MGAM2: variants seen among roughly 807,000 people sequenced by gnomAD.
MGAM2 encodes the protein probable maltase-glucoamylase 2.
In MGAM2, 98 loss-of-function variants were observed where a neutral mutation model predicts 96.1. That is an observed-to-expected ratio of 1.02 (90% CI 0.87 to 1.21). MGAM2 has a LOEUF of 1.21. Among genes scored for constraint, MGAM2 ranks in the 50% most tolerant of loss-of-function variants. The probability of loss-of-function intolerance (pLI) is 0.00; values close to 1 mark genes in which losing one functional copy is unlikely to be tolerated. For missense variants in MGAM2, 2,055 were observed against 1,182.4 expected (o/e 1.74, Z -10.82); for synonymous variants, 749 against 414.8 (o/e 1.81, Z -9.79).
rs1342393891 is a variant in MGAM2 at position 142,204,171 on chromosome 7, A to T, written c.5137+4203A>T. Among the ~76,000 whole-genome samples the T allele has an allele frequency of 2.6e-5, 4 of 151,998 alleles. No individual in the cohort carries two copies. The East Asian group carries it at 5.8e-4, about 22-fold the overall frequency. On this transcript the variant is annotated intron_variant, in intron 45 of 47. Transcript: ENST00000477922. ...CTTTAATTACTCTTAGCAATGTTTT[A>T]TAATTTTTGGCGTATAGTTCTTGTA...
At chr7:142,173,497 C>T (rs993585435) in intron 31 of MGAM2, 143 bp downstream of exon 31, 1 of 450,794 alleles carries the variant, frequency 2.2e-6, no homozygotes, top group African/African-American at 1.9e-5. Context: ...TACTATAATA[C>T]TATGTACTTA....
At chr7:142,120,715 C>A (rs552887757) in intron 3 of MGAM2, among the ~76,000 whole-genome samples, 1 of 152,218 alleles carries the variant, frequency 6.6e-6, no homozygotes, top group Admixed American at 6.5e-5. Flanking sequence ...ACTATGTATT[C>A]TTTGAGAATA....
chr7:142,184,941 C>T lies in MGAM2; in HGVS notation c.3925-136C>T, dbSNP rs553769060. 732 of 503,190 alleles carry T rather than the reference C, an allele frequency of 1.5e-3. 3 individuals are homozygous for T. The highest frequency in any genetic ancestry group is 1.9e-3 in the Non-Finnish European group (536 of 281,294). The allele number at this position is 503,190 out of a possible 1,614,324, so 31.2% of individuals were successfully genotyped here. ...CCTAATGTAATTTTGTAGATTCAGCCTTTACAGTTTAATTTATGGCAAAGA... is the reference window on the plus strand; with the variant it reads ...CCTAATGTAATTTTGTAGATTCAGCTTTTACAGTTTAATTTATGGCAAAGA... On this transcript the variant is annotated intron_variant, in intron 33 of 47. Coordinates refer to ENST00000477922, the MANE Select transcript of MGAM2 (RefSeq NM_001293626.2).
At position 142,164,845 on chromosome 7, in the gene MGAM2, TCCCCTCC is replaced by T; in HGVS notation, c.2485-9_2485-3del. On this transcript the variant is annotated splice_region_variant and splice_polypyrimidine_tract_variant and intron_variant, in intron 23 of 47. Transcript: ENST00000477922. ...CCTGGTTTCCAATCTGACTTTTTTTTCCCCTCCCAGAACCATCTACAAGCAAAGATTA... is the reference window on the plus strand; with the variant it reads ...CCTGGTTTCCAATCTGACTTTTTTTTCAGAACCATCTACAAGCAAAGATTA... 1 of 676,172 alleles carries T rather than the reference TCCCCTCC, an allele frequency of 1.5e-6. No individual in the cohort carries two copies. The highest frequency in any genetic ancestry group is 2.4e-4 in the Middle Eastern group (1 of 4,120). The allele number at this position is 676,172 out of a possible 1,614,324, so 41.9% of individuals were successfully genotyped here.
At position 142,189,503 on chromosome 7, in the gene MGAM2, CGAGT is replaced by C. The variant is rs1796804050; in HGVS notation, c.4346+4_4346+7del. ...GGTGGTCCCAGACCAGACCCACATA[CGAGT>C]GAGTGTCTTTTTGTCACAGCAGCAA... On this transcript the variant is annotated splice_donor_variant and coding_sequence_variant, in exon 37 of 48. Transcript: ENST00000477922. LOFTEE classifies it high-confidence loss of function. 1 of 815,636 alleles carries C rather than the reference CGAGT, an allele frequency of 1.2e-6. No homozygotes were observed. The highest frequency in any genetic ancestry group is 2.0e-6 in the Non-Finnish European group (1 of 495,470). 50.5% of individuals were successfully genotyped at this position (815,636 alleles called of 1,614,324 possible). A position where few individuals can be genotyped will look rare whatever the true frequency, so the allele number is the denominator to read the frequency against.
At chr7:142,212,943 T>G (rs925495630) in intron 46 of MGAM2, among the ~76,000 whole-genome samples, 2 of 152,092 alleles carry the variant, frequency 1.3e-5, no homozygotes, top group African/African-American at 4.8e-5. Flanking sequence ...AGTAATACGC[T>G]CCTCAGAAAA....
chr7:142,140,741 A>G, intron 10 of MGAM2, 61 bp from the exon 11 acceptor site: 1 of 632,744 alleles, frequency 1.6e-6, no homozygotes, highest in Non-Finnish European at 2.8e-6. Flanking sequence ...CCAGAGCTGT[A>G]ATACTTTCCA....
At chr7:142,165,109 A>T (rs1163126826) in intron 24 of MGAM2, 86 bp downstream of exon 24, 1 of 574,014 alleles carries the variant, frequency 1.7e-6, no homozygotes, top group Non-Finnish European at 3.1e-6. Context: ...AACTGTGGGC[A>T]GTCAGACACA....
intron 33 of MGAM2, among the ~76,000 whole-genome samples, chr7:142,183,752 A>T (rs1796609968): frequency 6.6e-6 from 1 of 152,154 alleles, no homozygotes; most frequent in Non-Finnish European, 1.5e-5. Context: ...TAAATGAATC[A>T]TTAAGTCCTA....
At chr7:142,187,601 T>G in intron 35 of MGAM2, 149 bp from the exon 36 acceptor site, 2 of 545,398 alleles carry the variant, frequency 3.7e-6, no homozygotes, top group Non-Finnish European at 6.6e-6. Context: ...TAGAGTCCAT[T>G]TGGGTCAGTG....
At chr7:142,144,067 G>A (rs1795314983) in intron 13 of MGAM2, 185 bp downstream of exon 13, 1 of 413,376 alleles carries the variant, frequency 2.4e-6, no homozygotes, top group African/African-American at 2.0e-5. Context: ...AGAGCCTTAG[G>A]TTCTTATCCT....
At chr7:142,188,432 T>C (rs1417423157) in intron 36 of MGAM2, among the ~76,000 whole-genome samples, 20 of 151,464 alleles carry the variant, frequency 1.3e-4, no homozygotes. Context: ...GGCAACATAG[T>C]GAGACCCATA....
rs1016567831 is a variant in MGAM2, at chr7:142,144,830, T to C, written c.1432-31T>C. 6 of 691,932 alleles carry C rather than the reference T, an allele frequency of 8.7e-6. No individual in the cohort carries two copies. In the African/African-American group the frequency reaches 1.1e-4, roughly 12 times the overall value. 42.9% of individuals were successfully genotyped at this position (691,932 alleles called of 1,614,324 possible). A position where few individuals can be genotyped will look rare whatever the true frequency, so the allele number is the denominator to read the frequency against. On this transcript the variant is annotated intron_variant, in intron 13 of 47. Coordinates refer to ENST00000477922, the MANE Select transcript of MGAM2 (RefSeq NM_001293626.2). ...ACAGCTAAATGTAGCTCAATCGCAT[T>C]TTACACTTTGTGTGTTTTGTGTCTT...
intron 34 of MGAM2, 105 bp from the exon 35 acceptor site, chr7:142,185,884 G>A (rs961498334): frequency 9.9e-6 from 6 of 608,900 alleles, no homozygotes; most frequent in Middle Eastern, 4.2e-4. Flanking sequence ...TCTGAGATTA[G>A]AGCAGAGACT....
rs905610211 is a variant in MGAM2 at position 142,154,776 on chromosome 7, C to G, written c.1854C>G (p.Leu618=). ...CGYNNNVTEE[L]CRRWMQLGAF... ...ATAACAACAATGTCACAGAGGAGCT[C>G]TGCAGAAGGTGGATGCAGCTTGGAG... The change falls in exon 17 of 48, where the codon CTC becomes CTG. Residue 618 remains leucine (L), a synonymous_variant. Coordinates refer to ENST00000477922, the MANE Select transcript of MGAM2 (RefSeq NM_001293626.2). The G allele has an allele frequency of 2.8e-6, 2 of 703,370 alleles. No individual in the cohort carries two copies. The highest frequency in any genetic ancestry group is 3.5e-5 in the African/African-American group (2 of 57,266). The allele number at this position is 703,370 out of a possible 1,614,324, so 43.6% of individuals were successfully genotyped here.
rs765440433 is a variant in MGAM2, at chr7:142,220,441, T to C, written c.5930T>C (p.Ile1977Thr). The C allele has an allele frequency of 8.5e-6, 6 of 702,430 alleles. No individual in the cohort carries two copies. The highest frequency in any genetic ancestry group is 7.4e-5 in the South Asian group (5 of 67,602). 43.5% of individuals were successfully genotyped at this position (702,430 alleles called of 1,614,324 possible). A position where few individuals can be genotyped will look rare whatever the true frequency, so the allele number is the denominator to read the frequency against. The change falls in exon 48 of 48, where the codon ATT becomes ACT. Residue 1977 changes from isoleucine to threonine, a missense_variant. Physicochemically the swap from Ile to Thr is moderately conservative, Grantham distance 89. Transcript: ENST00000477922. The stretch of plus-strand genomic sequence containing the variant: ...ACTACTGCTAGCACTAATGCTACTA[T>C]TCCTATCACAACCACACCTTTTGCA... Reference protein sequence around the residue: ...NTTTASTNATIPITTTPFATS... With the variant: ...NTTTASTNATTPITTTPFATS...
chr7:142,117,457 G>T (rs562235667), intron 2 of MGAM2, among the ~76,000 whole-genome samples: 9 of 152,196 alleles, frequency 5.9e-5, no homozygotes, highest in African/African-American at 2.2e-4. Context: ...TCTCTCTCAG[G>T]CACCCAGAAG....
intron 45 of MGAM2, among the ~76,000 whole-genome samples, chr7:142,205,854 C>A (rs1219047046): frequency 6.6e-6 from 1 of 151,934 alleles, no homozygotes; most frequent in Non-Finnish European, 1.5e-5. Flanking sequence ...AGCTAAGAAA[C>A]CATTGCACAT....
intron 37 of MGAM2, among the ~76,000 whole-genome samples, chr7:142,190,446 G>A (rs767775499): frequency 1.8e-4 from 27 of 151,598 alleles, no homozygotes; most frequent in South Asian, 1.5e-3. Flanking sequence ...TAATTTTTTT[G>A]TATTTTTTAG....
Sources: gnomAD v4.1 joint callset for allele counts (sites outside exome capture counted in the v4.1 genomes callset) on GRCh38, gnomAD v4.1.1 for gene constraint, MANE v1.5 for transcripts, NCBI Gene and HGNC (gene_info 2026-07-23, HGNC 2026-07-21) for gene names.